CNTN4: variants seen among roughly 807,000 people sequenced by gnomAD.
The protein encoded by CNTN4 is contactin-4.
A neutral mutation model predicts 122.5 loss-of-function variants in CNTN4; 77 were observed. That is an observed-to-expected ratio of 0.63 (90% CI 0.52 to 0.76). CNTN4 has a LOEUF of 0.76. Among genes scored for constraint, CNTN4 ranks in the 30% least tolerant of loss-of-function variants. The pLI, the probability that CNTN4 is intolerant of heterozygous loss-of-function variation, is 0.00. For missense variants in CNTN4, 1,256 were observed against 1,259.1 expected (o/e 1.00, Z 0.04); for synonymous variants, 512 against 447.0 (o/e 1.15, Z -1.83).
At chr3:2,617,469 G>A (rs2081809891) in intron 4 of CNTN4, among the ~76,000 whole-genome samples, 1 of 137,456 alleles carries the variant, frequency 7.3e-6, no homozygotes. Flanking sequence ...TGCCCAGGCT[G>A]GAGTGCAGTG....
intron 2 of CNTN4, among the ~76,000 whole-genome samples, chr3:2,310,023 C>A (rs1043330579): frequency 1.3e-5 from 2 of 152,050 alleles, no homozygotes; most frequent in Admixed American, 6.6e-5. Context: ...CTTTTTATAT[C>A]AACTTATTTT....
At chr3:2,950,724 A>C (rs1483287762) in intron 13 of CNTN4, among the ~76,000 whole-genome samples, 1 of 152,250 alleles carries the variant, frequency 6.6e-6, no homozygotes, top group East Asian at 1.9e-4. Flanking sequence ...ATATCCCAGC[A>C]TTCTTTGATG....
At chr3:2,367,136 C>A (rs945147660) in intron 3 of CNTN4, among the ~76,000 whole-genome samples, 2 of 151,824 alleles carry the variant, frequency 1.3e-5, no homozygotes, top group African/African-American at 4.8e-5. Context: ...TAATAAAAAG[C>A]AGTTTCTAGC....
At chr3:2,715,381 G>C (rs2087430363) in intron 4 of CNTN4, among the ~76,000 whole-genome samples, 1 of 152,200 alleles carries the variant, frequency 6.6e-6, no homozygotes, top group African/African-American at 2.4e-5. Context: ...ATGTGAGGCA[G>C]TATGGAGTAT....
intron 4 of CNTN4, among the ~76,000 whole-genome samples, chr3:2,622,110 C>T (rs892154510): frequency 1.3e-5 from 2 of 152,114 alleles, no homozygotes; most frequent in Non-Finnish European, 2.9e-5. Flanking sequence ...CTCAGTCTAC[C>T]CTTGCTCTGC....
intron 15 of CNTN4, among the ~76,000 whole-genome samples, chr3:3,026,607 C>G (rs1698741729): frequency 1.3e-5 from 2 of 152,124 alleles, no homozygotes; most frequent in South Asian, 4.2e-4. Flanking sequence ...AAATCCCAAA[C>G]TCTGTGTCAC....
At chr3:2,458,624 G>A (rs907591072) in intron 3 of CNTN4, among the ~76,000 whole-genome samples, 22 of 143,426 alleles carry the variant, frequency 1.5e-4, no homozygotes, top group African/African-American at 5.0e-4. Flanking sequence ...AAGAATGTGC[G>A]ATTTTTTTTT....
chr3:2,842,434 C>T (rs1156532060), intron 7 of CNTN4, among the ~76,000 whole-genome samples: 3 of 152,190 alleles, frequency 2.0e-5, no homozygotes, highest in East Asian at 3.8e-4. Context: ...TTTTACTCCT[C>T]TCTCCTGCAT....
chr3:2,369,381 A>G (rs1027259010), intron 3 of CNTN4, among the ~76,000 whole-genome samples: 102 of 152,142 alleles, frequency 6.7e-4, no homozygotes, highest in African/African-American at 2.4e-3. Flanking sequence ...TCTTGTATCA[A>G]TTTTTAAAAC....
At chr3:2,169,538 C>T (rs896624424) in intron 2 of CNTN4, among the ~76,000 whole-genome samples, 1 of 137,314 alleles carries the variant, frequency 7.3e-6, no homozygotes, top group Non-Finnish European at 1.6e-5. Context: ...TCCCGAGTAG[C>T]TGGGACTACA....
At chr3:2,145,499 G>T (rs187438916) in intron 2 of CNTN4, among the ~76,000 whole-genome samples, 22 of 152,300 alleles carry the variant, frequency 1.4e-4, no homozygotes, top group African/African-American at 5.3e-4. Flanking sequence ...GGCAAGGTGA[G>T]ATCGAGCTTT....
At chr3:2,736,190 T>C (rs756143199) in intron 4 of CNTN4, 25 bp from the exon 5 acceptor site, 1 of 1,611,098 alleles carries the variant, frequency 6.2e-7, no homozygotes, top group Non-Finnish European at 8.5e-7. Context: ...TTCTTCATTT[T>C]GGACATTTTC....
At chr3:3,032,637 C>T (rs1451895467) in intron 16 of CNTN4, among the ~76,000 whole-genome samples, 1 of 152,176 alleles carries the variant, frequency 6.6e-6, no homozygotes, top group Non-Finnish European at 1.5e-5. Flanking sequence ...AGCTTTGAGT[C>T]TTGGCTCCAG....
intron 2 of CNTN4, among the ~76,000 whole-genome samples, chr3:2,313,782 G>A (rs868002079): frequency 3.0e-4 from 46 of 152,002 alleles, no homozygotes; most frequent in Middle Eastern, 3.4e-3. Flanking sequence ...AGACAATATA[G>A]TACTTAAGGA....
At chr3:2,216,625 T>A (rs2038852636) in intron 2 of CNTN4, among the ~76,000 whole-genome samples, 1 of 152,212 alleles carries the variant, frequency 6.6e-6, no homozygotes, top group African/African-American at 2.4e-5. Context: ...ATTAATATTT[T>A]GTTAATGAAA....
At chr3:2,134,770 T>C (rs62246960) in intron 2 of CNTN4, among the ~76,000 whole-genome samples, 34 of 152,218 alleles carry the variant, frequency 2.2e-4, no homozygotes, top group Non-Finnish European at 4.3e-4. Context: ...ACAGAACATA[T>C]ATGATGGCCC....
At chr3:2,778,497 T>C (rs2067520) in intron 6 of CNTN4, among the ~76,000 whole-genome samples, 41,781 of 151,904 alleles carry the variant, frequency 0.28, 6,468 homozygotes, top group African/African-American at 0.41. Context: ...TGTTTTTCTC[T>C]GTTTACAGCA....
intron 18 of CNTN4, among the ~76,000 whole-genome samples, chr3:3,038,512 G>C: frequency 6.6e-6 from 1 of 152,132 alleles, no homozygotes; most frequent in East Asian, 1.9e-4. Context: ...ACTGGTGCAG[G>C]CGCTCCTCCA....
rs569364119 is a variant in CNTN4 at position 2,452,692 on chromosome 3, C to G, written c.-89+113459C>G. 7.9e-5 allele frequency among the ~76,000 whole-genome samples: 12 copies of G among 152,180 alleles called. No individual in the cohort carries two copies. The South Asian group carries it at 2.5e-3, about 32-fold the overall frequency. On this transcript the variant is annotated intron_variant, in intron 3 of 24. Transcript: ENST00000418658. ...TCTACCCTTTCGGAATCAATCACTT[C>G]TGTTTATGAGTTGGAAAAAGACAGG...
Sources: gnomAD v4.1 joint callset for allele counts (sites outside exome capture counted in the v4.1 genomes callset) on GRCh38, gnomAD v4.1.1 for gene constraint, MANE v1.5 for transcripts, NCBI Gene and HGNC (gene_info 2026-07-23, HGNC 2026-07-21) for gene names.